The following SLC44A1 variants were observed in gnomAD, a reference collection of about 807,000 sequenced individuals.
SLC44A1 encodes the protein solute carrier family 44 member 1, also known as choline transporter-like protein 1.
A neutral mutation model predicts 79.3 loss-of-function variants in SLC44A1; 26 were observed. The observed-to-expected ratio is 0.33, with a 90% CI of 0.24 to 0.46. The LOEUF is 0.46. Ranked by LOEUF, SLC44A1 falls within the 20% of genes least tolerant of loss-of-function variation. The probability of loss-of-function intolerance (pLI) is 1.00; values close to 1 mark genes in which losing one functional copy is unlikely to be tolerated. For synonymous variants in SLC44A1, 263 were observed against 286.2 expected, an observed-to-expected ratio of 0.92 and a Z score of 0.82; for missense variants, 688 against 798.1, an observed-to-expected ratio of 0.86 and a Z score of 1.66.
chr9:105,339,231 T>TAA (rs111867599), intron 4 of SLC44A1, among the ~76,000 whole-genome samples: 3,587 of 148,292 alleles, frequency 0.024, 44 homozygotes, highest in Middle Eastern at 0.045. Context: ...AGATCTACTA[T>TAA]AAAAAAAAAA....
At chr9:105,265,504 A>G (rs1342542999) in intron 1 of SLC44A1, among the ~76,000 whole-genome samples, 2 of 152,376 alleles carry the variant, frequency 1.3e-5, no homozygotes, top group East Asian at 3.9e-4. Context: ...ATTCCATTAT[A>G]TGAATATATC....
intron 15 of SLC44A1, among the ~76,000 whole-genome samples, chr9:105,423,655 C>T (rs535977532): frequency 2.4e-3 from 359 of 152,196 alleles, no homozygotes; most frequent in Non-Finnish European, 4.2e-3. Context: ...ACATCTAAAC[C>T]GCTTCTTCCT....
At chr9:105,427,435 T>C (rs115342290) in intron 15 of SLC44A1, among the ~76,000 whole-genome samples, 1,619 of 152,264 alleles carry the variant, frequency 0.011, 36 homozygotes, top group African/African-American at 0.038. Flanking sequence ...AGAAATATGA[T>C]GTCTTTAACT....
intron 15 of SLC44A1, among the ~76,000 whole-genome samples, chr9:105,420,861 C>CAAA (rs34053627): frequency 2.4e-4 from 3 of 12,468 alleles, no homozygotes; most frequent in African/African-American, 4.3e-4. Context: ...AACTCCATCT[C>CAAA]AAAAAAAAAA....
intron 6 of SLC44A1, among the ~76,000 whole-genome samples, chr9:105,357,718 C>A (rs1283163279): frequency 6.6e-6 from 1 of 152,126 alleles, no homozygotes; most frequent in Non-Finnish European, 1.5e-5. Flanking sequence ...TGAGGAAGGT[C>A]TCCTCACCTG....
intron 1 of SLC44A1, among the ~76,000 whole-genome samples, chr9:105,297,142 G>A (rs1830745383): frequency 6.6e-6 from 1 of 152,078 alleles, no homozygotes; most frequent in Non-Finnish European, 1.5e-5. Flanking sequence ...TGTTTTCTGT[G>A]TGGGTGTTTG....
intron 1 of SLC44A1, among the ~76,000 whole-genome samples, chr9:105,285,974 G>A (rs1290108781): frequency 6.6e-6 from 1 of 152,140 alleles, no homozygotes; most frequent in Non-Finnish European, 1.5e-5. Flanking sequence ...GGTGGCATGT[G>A]CCCGTGGTCC....
chr9:105,330,006 C>T (rs1167555884), intron 3 of SLC44A1, among the ~76,000 whole-genome samples: 1 of 152,190 alleles, frequency 6.6e-6, no homozygotes, highest in Non-Finnish European at 1.5e-5. Flanking sequence ...CTTCTCTAGA[C>T]TGTAACTTAC....
intron 1 of SLC44A1, among the ~76,000 whole-genome samples, chr9:105,277,734 G>A (rs1312501630): frequency 1.3e-5 from 2 of 152,216 alleles, no homozygotes; most frequent in East Asian, 3.8e-4. Context: ...TAGCCTAATA[G>A]GGCTTGGTCC....
At chr9:105,276,213 A>G (rs1003308858) in intron 1 of SLC44A1, among the ~76,000 whole-genome samples, 3 of 152,152 alleles carry the variant, frequency 2.0e-5, no homozygotes, top group Non-Finnish European at 4.4e-5. Context: ...AATCTCTTGA[A>G]CAGGTTTTCA....
intron 3 of SLC44A1, among the ~76,000 whole-genome samples, chr9:105,325,953 A>G (rs1482898227): frequency 2.0e-5 from 3 of 152,092 alleles, no homozygotes; most frequent in African/African-American, 7.3e-5. Context: ...AGAAAATGAA[A>G]TTTCTGGCCA....
intron 4 of SLC44A1, among the ~76,000 whole-genome samples, chr9:105,340,861 A>C (rs1194271893): frequency 6.6e-6 from 1 of 152,186 alleles, no homozygotes; most frequent in East Asian, 1.9e-4. Flanking sequence ...ATTTCCTCAA[A>C]TCTTTGTTTC....
intron 15 of SLC44A1, among the ~76,000 whole-genome samples, chr9:105,387,965 T>C (rs1302839699): frequency 6.6e-6 from 1 of 152,228 alleles, no homozygotes; most frequent in Non-Finnish European, 1.5e-5. Context: ...CTTCAAACAA[T>C]GCATTAAAAT....
rs1828716947 is a variant in SLC44A1, at chr9:105,389,766, C to G, written c.*710C>G. On this transcript the variant is annotated 3_prime_UTR_variant, in exon 16 of 16. Coordinates refer to ENST00000374720, the MANE Select transcript of SLC44A1 (RefSeq NM_080546.5). ...AAAAGGGTAGATAATCTTTCGTATG[C>G]AAACTTTTCCCTTATATTTTGTCTT... 1.5e-6 allele frequency: 2 copies of G among 1,305,240 alleles called. No individual in the cohort carries two copies. The allele number at this position is 1,305,240 out of a possible 1,614,324, so 80.9% of individuals were successfully genotyped here. A position where few individuals can be genotyped will look rare whatever the true frequency, so the allele number is the denominator to read the frequency against.
At chr9:105,292,967 C>G (rs1208175398) in intron 1 of SLC44A1, among the ~76,000 whole-genome samples, 1 of 152,086 alleles carries the variant, frequency 6.6e-6, no homozygotes, top group Non-Finnish European at 1.5e-5. Context: ...TCGAGACCAA[C>G]CTGGGCAACA....
Position 105,365,631 on chromosome 9 carries a change from A to G in SLC44A1, c.1402A>G (p.Lys468Glu). ...CCTTATGTATATTCACAGTCAGCTC[A>G]AAGGAAAGGTAAGGGGAAAATGCAT... ...MILMYIHSQL[K>E]GKENACARCV... Residue 468 changes from lysine to glutamate, a missense_variant, in exon 11 of 16, where the codon AAA becomes GAA. Lys to Glu is a moderately conservative substitution (Grantham distance 56). Coordinates refer to ENST00000374720, the MANE Select transcript of SLC44A1 (RefSeq NM_080546.5). The G allele has an allele frequency of 6.2e-7, 1 of 1,613,594 alleles. No homozygotes were observed. Among genetic ancestry groups the G allele is most frequent in the Non-Finnish European group, 8.5e-7 (1 of 1,179,612 alleles).
Position 105,361,234 on chromosome 9 carries a change from G to A in SLC44A1, c.804G>A (p.Arg268=). 6.2e-7 allele frequency: 1 copy of A among 1,614,084 alleles called. No individual in the cohort carries two copies. Among genetic ancestry groups the A allele is most frequent in the Non-Finnish European group, 8.5e-7 (1 of 1,179,944 alleles). Residue 268 remains arginine (R), a synonymous_variant, in exon 8 of 16, where the codon AGG becomes AGA. Transcript: ENST00000374720. The stretch of plus-strand genomic sequence containing the variant: ...GGTGGCTGTATGCAAAGCAAAGAAG[G>A]TCTCCCAAAGAAACTGTTACTCCTG... The part of the protein sequence containing the change: ...VLWWLYAKQR[R]SPKETVTPEQ...
At chr9:105,299,830 T>C (rs914281331) in intron 2 of SLC44A1, 1 of 986,740 alleles carries the variant, frequency 1.0e-6, no homozygotes, top group Non-Finnish European at 1.2e-6. Flanking sequence ...CGGCCCCTGC[T>C]GCCTGCTGTG....
In SLC44A1 at chr9:105,390,866, T is replaced by C; in HGVS notation, c.*1810T>C. 1 of 985,640 alleles carries C rather than the reference T, an allele frequency of 1.0e-6. No individual in the cohort carries two copies. Among genetic ancestry groups the C allele is most frequent in the Non-Finnish European group, 1.2e-6 (1 of 829,760 alleles). The allele number at this position is 985,640 out of a possible 1,614,324, so 61.1% of individuals were successfully genotyped here. On this transcript the variant is annotated 3_prime_UTR_variant, in exon 16 of 16. Transcript: ENST00000374720. ...TGCGAGAGTAGCTATTTTGAAAGAA[T>C]AATTCTCCAGAAGTTAACATCTAAT... is the stretch of plus-strand genomic sequence containing the variant.
Sources: gnomAD v4.1 joint callset for allele counts (sites outside exome capture counted in the v4.1 genomes callset) on GRCh38, gnomAD v4.1.1 for gene constraint, MANE v1.5 for transcripts, NCBI Gene and HGNC (gene_info 2026-07-23, HGNC 2026-07-21) for gene names.